The following KIRREL3 variants were observed in gnomAD, a reference collection of about 807,000 sequenced individuals.
KIRREL3 encodes kirre like nephrin family adhesion molecule 3, also known as kin of IRRE-like protein 3.
Under a neutral mutation model 89.7 loss-of-function variants are expected in KIRREL3, and 36 were observed. The observed-to-expected ratio is 0.40, with a 90% CI of 0.31 to 0.53. The LOEUF is 0.53. KIRREL3 is among the 20% of genes least tolerant of loss of function. The pLI is 0.49. For missense variants in KIRREL3, 864 were observed against 1,056.6 expected, an observed-to-expected ratio of 0.82 and a Z score of 2.53; for synonymous variants, 445 against 441.4, an observed-to-expected ratio of 1.01 and a Z score of -0.10.
At chr11:126,663,360 T>C (rs1489234415) in intron 1 of KIRREL3, among the ~76,000 whole-genome samples, 1 of 151,974 alleles carries the variant, frequency 6.6e-6, no homozygotes, top group Non-Finnish European at 1.5e-5. Context: ...TAATTTTTTG[T>C]ATTTTTAGTA....
Position 126,640,906 on chromosome 11 carries a change from C to G in KIRREL3, c.56-77994G>C, listed in dbSNP as rs1293278374. Among the ~76,000 whole-genome samples, 1 of 152,168 alleles carries G rather than the reference C, an allele frequency of 6.6e-6. No individual in the cohort carries two copies. The highest frequency in any genetic ancestry group is 2.4e-5 in the African/African-American group (1 of 41,434). On this transcript the variant is annotated intron_variant, in intron 1 of 16. Transcript: ENST00000525144. This position sits in a 1 kb window ranked among gnomAD's most constrained non-coding sequence, Gnocchi z 4.9. Reference sequence around the variant, plus strand: ...AATCTTATGGCTTTAAACACCGACTCTACTCTGATGTCTCTCAATTTTGTA... The same window carrying G: ...AATCTTATGGCTTTAAACACCGACTGTACTCTGATGTCTCTCAATTTTGTA...
chr11:126,596,218 G>A (rs1942387098), intron 1 of KIRREL3, among the ~76,000 whole-genome samples: 1 of 152,192 alleles, frequency 6.6e-6, no homozygotes, highest in Admixed American at 6.5e-5. Flanking sequence ...TGCCCATGGA[G>A]CAACCAACAA....
At position 126,653,541 on chromosome 11, in the gene KIRREL3, C is replaced by T. The variant is rs1050465819; in HGVS notation, c.56-90629G>A. Among the ~76,000 whole-genome samples the T allele has an allele frequency of 2.0e-5, 3 of 152,142 alleles. No homozygotes were observed. The highest frequency in any genetic ancestry group is 6.5e-5 in the Admixed American group (1 of 15,276). ...TAAAGAGCAATATAAACACCAGATA[C>T]GGAATGAGAAAAAAGCGGCACCGGA... On this transcript the variant is annotated intron_variant, in intron 1 of 16. Transcript: ENST00000525144. This position sits in a 1 kb window ranked among gnomAD's most constrained non-coding sequence, Gnocchi z 5.4.
At position 126,953,724 on chromosome 11, in the gene KIRREL3, A is replaced by G. The variant is rs534841070; in HGVS notation, c.55+46731T>C. 2.4e-4 allele frequency among the ~76,000 whole-genome samples: 37 copies of G among 152,296 alleles called. No individual in the cohort carries two copies. Among genetic ancestry groups the G allele is most frequent in the African/African-American group, 6.7e-4 (28 of 41,580 alleles). On this transcript the variant is annotated intron_variant, in intron 1 of 16. Transcript: ENST00000525144. The surrounding 1 kb of genome is among the most constrained non-coding windows in gnomAD (Gnocchi z 5.2). ...AATTTTTTGCAAAAGAGTAATTCTG[A>G]CACATTTAAACCACAGACTAGCAGG... is the stretch of plus-strand genomic sequence containing the variant.
At chr11:126,921,864 A>G (rs1947331336) in intron 1 of KIRREL3, among the ~76,000 whole-genome samples, 2 of 130,162 alleles carry the variant, frequency 1.5e-5, no homozygotes, top group South Asian at 2.3e-4. Context: ...TCTTTCTGTC[A>G]TCCTATCTAT....
intron 1 of KIRREL3, among the ~76,000 whole-genome samples, chr11:126,727,605 G>C (rs945716644): frequency 2.6e-5 from 4 of 152,174 alleles, no homozygotes; most frequent in African/African-American, 7.2e-5. Context: ...GCTCCCTCGG[G>C]GGGGTCTGGC....
intron 1 of KIRREL3, among the ~76,000 whole-genome samples, chr11:126,851,819 G>A (rs566458332): frequency 1.3e-5 from 2 of 152,242 alleles, no homozygotes; most frequent in African/African-American, 4.8e-5. Flanking sequence ...ATTTCTCTGA[G>A]CTCCCTGGAG....
rs1188809247 is a variant in KIRREL3, at chr11:126,641,422, G to C, written c.56-78510C>G. 6.6e-6 allele frequency among the ~76,000 whole-genome samples: 1 copy of C among 152,056 alleles called. No individual in the cohort carries two copies. The highest frequency in any genetic ancestry group is 1.9e-4 in the East Asian group (1 of 5,170). Reference sequence around the variant, plus strand: ...CTTGCCACTCTCATCAGATCAGGGTGCAGGGTGTCATGAGTTTTACAGATT... The same window carrying C: ...CTTGCCACTCTCATCAGATCAGGGTCCAGGGTGTCATGAGTTTTACAGATT... On this transcript the variant is annotated intron_variant, in intron 1 of 16. Transcript: ENST00000525144. This position sits in a 1 kb window ranked among gnomAD's most constrained non-coding sequence, Gnocchi z 5.0.
At chr11:126,984,929 C>T (rs1226932762) in intron 1 of KIRREL3, among the ~76,000 whole-genome samples, 7 of 152,308 alleles carry the variant, frequency 4.6e-5, no homozygotes. Context: ...AACTTTCCCA[C>T]CCACTACCTG....
rs1939662774 is a variant in KIRREL3, at chr11:126,555,772, C to T, written c.133+7063G>A. ...TTTTTTTTTTTTGAGACGGAGTCTCCCTCTATCACTCAGGCTGGAGTGCAG... is the reference window on the plus strand; with the variant it reads ...TTTTTTTTTTTTGAGACGGAGTCTCTCTCTATCACTCAGGCTGGAGTGCAG... On this transcript the variant is annotated intron_variant, in intron 2 of 16. Transcript: ENST00000525144. The surrounding 1 kb of genome is among the most constrained non-coding windows in gnomAD (Gnocchi z 4.2). Among the ~76,000 whole-genome samples the T allele has an allele frequency of 6.6e-6, 1 of 151,274 alleles. No individual in the cohort carries two copies. The highest frequency in any genetic ancestry group is 2.4e-5 in the African/African-American group (1 of 41,164).
chr11:126,436,357 T>A (rs1440801546), intron 12 of KIRREL3, among the ~76,000 whole-genome samples: 2 of 152,198 alleles, frequency 1.3e-5, no homozygotes, highest in Admixed American at 6.5e-5. Context: ...GGGCTTGTCA[T>A]CTTAACTGTG....
chr11:126,732,791 C>G (rs1948672935), intron 1 of KIRREL3, among the ~76,000 whole-genome samples: 1 of 152,164 alleles, frequency 6.6e-6, no homozygotes, highest in African/African-American at 2.4e-5. Flanking sequence ...GGGATCTAAC[C>G]CCAGAGCACT....
At chr11:126,545,970 TA>T (rs1458157083) in intron 2 of KIRREL3, among the ~76,000 whole-genome samples, 2 of 152,214 alleles carry the variant, frequency 1.3e-5, no homozygotes, top group Non-Finnish European at 2.9e-5. Flanking sequence ...TTGGGCAAGT[TA>T]TTTGTCTTTC....
intron 1 of KIRREL3, among the ~76,000 whole-genome samples, chr11:126,584,293 T>C (rs1017546636): frequency 2.0e-5 from 3 of 152,188 alleles, no homozygotes; most frequent in Non-Finnish European, 4.4e-5. Flanking sequence ...TCCCATCTCT[T>C]TGCTGCCATA....
chr11:126,879,508 C>T lies in KIRREL3; in HGVS notation c.55+120947G>A, dbSNP rs985074071. On this transcript the variant is annotated intron_variant, in intron 1 of 16. Coordinates refer to ENST00000525144, the MANE Select transcript of KIRREL3 (RefSeq NM_032531.4). The surrounding 1 kb of genome is among the most constrained non-coding windows in gnomAD (Gnocchi z 5.4). ...AGGTCCTTCTGATCAACACCATGGT[C>T]CTTTCTCCCCTCTGATCCTTTCACC... Among the ~76,000 whole-genome samples the T allele has an allele frequency of 1.3e-5, 2 of 152,150 alleles. No individual in the cohort carries two copies. The highest frequency in any genetic ancestry group is 2.9e-5 in the Non-Finnish European group (2 of 68,038).
chr11:126,735,443 T>G (rs1210281512), intron 1 of KIRREL3, among the ~76,000 whole-genome samples: 7 of 152,146 alleles, frequency 4.6e-5, no homozygotes, highest in Non-Finnish European at 5.9e-5. Flanking sequence ...CTCCACCTAC[T>G]CTTTGTTGAC....
At chr11:126,613,942 C>T (rs183234280) in intron 1 of KIRREL3, among the ~76,000 whole-genome samples, 15 of 126,288 alleles carry the variant, frequency 1.2e-4, no homozygotes, top group Admixed American at 6.1e-4. Context: ...ACCTGAAGGT[C>T]TGATTTCTAA....
In KIRREL3 at chr11:126,689,887, A is replaced by T. The variant is rs527858842; in HGVS notation, c.56-126975T>A. On this transcript the variant is annotated intron_variant, in intron 1 of 16. Coordinates refer to ENST00000525144, the MANE Select transcript of KIRREL3 (RefSeq NM_032531.4). The surrounding 1 kb of genome is among the most constrained non-coding windows in gnomAD (Gnocchi z 5.2). Reference sequence around the variant, plus strand: ...TGGGAAGACATTTGCTATTAACTGCAAATGGCAAGCAGCATCTTAGAAAGC... The same window carrying T: ...TGGGAAGACATTTGCTATTAACTGCTAATGGCAAGCAGCATCTTAGAAAGC... 2.8e-3 allele frequency among the ~76,000 whole-genome samples: 420 copies of T among 152,338 alleles called. 3 individuals are homozygous for T. Among genetic ancestry groups the T allele is most frequent in the Non-Finnish European group, 5.0e-3 (339 of 68,026 alleles).
intron 1 of KIRREL3, among the ~76,000 whole-genome samples, chr11:126,728,513 C>T (rs1046179470): frequency 6.6e-6 from 1 of 152,158 alleles, no homozygotes; most frequent in Non-Finnish European, 1.5e-5. Flanking sequence ...CCCTGCCTGG[C>T]CCCTGCGGAG....
Sources: allele counts gnomAD v4.1 joint callset (sites outside exome capture counted in the v4.1 genomes callset), GRCh38; gene constraint gnomAD v4.1.1; non-coding constraint Gnocchi (gnomAD v3.1); transcripts MANE v1.5; gene names NCBI Gene and HGNC (gene_info 2026-07-23, HGNC 2026-07-21).